SHROOM4: variants seen among roughly 807,000 people sequenced by gnomAD.
SHROOM4 encodes shroom family member 4.
A neutral mutation model predicts 80.3 loss-of-function variants in SHROOM4; 17 were observed. The ratio of observed to expected loss-of-function variants is 0.21; its 90% CI spans 0.14 to 0.32. The LOEUF (loss-of-function observed/expected upper bound fraction) is 0.32. Among genes scored for constraint, SHROOM4 ranks in the 10% least tolerant of loss-of-function variants. SHROOM4 has a pLI of 1.00. For synonymous variants in SHROOM4, 400 were observed against 437.5 expected (o/e 0.91, Z 1.07); for missense variants, 993 against 1,140.3 (o/e 0.87, Z 1.86).
intron 2 of SHROOM4, among the ~76,000 whole-genome samples, chrX:50,650,650 A>G (rs1405533455): frequency 6.3e-5 from 7 of 111,502 alleles, no homozygotes; most frequent in Non-Finnish European, 1.3e-4. Flanking sequence ...GAGCCACCGC[A>G]ACCAGCCATA....
intron 1 of SHROOM4, among the ~76,000 whole-genome samples, chrX:50,809,640 C>G (rs1557273259): frequency 1.8e-5 from 2 of 112,071 alleles, no homozygotes; most frequent in Non-Finnish European, 3.8e-5. Context: ...TCTTTCTCCT[C>G]CAGGTTACTC....
Position 50,738,172 on chromosome X carries a change from C to T in SHROOM4, c.118-42235G>A, listed in dbSNP as rs1464430193. 4.0e-4 allele frequency among the ~76,000 whole-genome samples: 44 copies of T among 110,866 alleles called. 1 individual carries two copies. Among genetic ancestry groups the T allele is most frequent in the Admixed American group, 3.0e-3 (31 of 10,352 alleles). On this transcript the variant is annotated intron_variant, in intron 1 of 8. Transcript: ENST00000376020. ...CTCAATAAATTAAATATTGATGGGA[C>T]GTATCTCAAAATAATAAGAGCTATT...
intron 5 of SHROOM4, among the ~76,000 whole-genome samples, chrX:50,620,014 G>C (rs1459471321): frequency 9.0e-6 from 1 of 111,542 alleles, no homozygotes; most frequent in Admixed American, 9.5e-5. Flanking sequence ...ATTCTAGCTA[G>C]CAGTGAGAGT....
chrX:50,812,117 T>A (rs1160330882), intron 1 of SHROOM4, among the ~76,000 whole-genome samples: 1 of 107,924 alleles, frequency 9.3e-6, no homozygotes, highest in Non-Finnish European at 1.9e-5. Context: ...AAATGACCTC[T>A]CCAAGGCAGG....
At chrX:50,604,868 A>G (rs1170360462) in intron 6 of SHROOM4, among the ~76,000 whole-genome samples, 2 of 112,133 alleles carry the variant, frequency 1.8e-5, no homozygotes, top group African/African-American at 3.2e-5. Context: ...AAAGCAAGCT[A>G]TACCTATACC....
chrX:50,733,636 TTC>T, intron 1 of SHROOM4, among the ~76,000 whole-genome samples: 1 of 112,012 alleles, frequency 8.9e-6, no homozygotes, highest in Non-Finnish European at 1.9e-5. Context: ...GTCTCTGCTA[TTC>T]TGTTATACTC....
chrX:50,698,526 C>T (rs1370236122), intron 1 of SHROOM4, among the ~76,000 whole-genome samples: 1 of 111,517 alleles, frequency 9.0e-6, no homozygotes, highest in Non-Finnish European at 1.9e-5. Flanking sequence ...TTGAAGATCC[C>T]TTCAACTATA....
chrX:50,776,939 C>T (rs1557270182), intron 1 of SHROOM4, among the ~76,000 whole-genome samples: 4 of 111,012 alleles, frequency 3.6e-5, no homozygotes, highest in African/African-American at 9.8e-5. Context: ...CCTCCTGCCT[C>T]GGCCTCCCAA....
rs1928879147 is a variant in SHROOM4, at chrX:50,591,659, A to C, written c.*5036T>G. Reference sequence around the variant, plus strand: ...CTTTTTTCTTTTTGATGCTATTGTAAATGGAACTGTTTTCTTTCTTTCTTT... The same window carrying C: ...CTTTTTTCTTTTTGATGCTATTGTACATGGAACTGTTTTCTTTCTTTCTTT... On this transcript the variant is annotated 3_prime_UTR_variant, in exon 9 of 9. Coordinates refer to ENST00000376020, the MANE Select transcript of SHROOM4 (RefSeq NM_020717.5). The C allele has an allele frequency of 3.3e-6, 1 of 300,781 alleles. No homozygotes were observed. Among genetic ancestry groups the C allele is most frequent in the Non-Finnish European group, 6.2e-6 (1 of 162,472 alleles). The allele number at this position is 300,781 out of a possible 1,213,427, so 24.8% of individuals were successfully genotyped here. A position where few individuals can be genotyped will look rare whatever the true frequency, so the allele number is the denominator to read the frequency against.
chrX:50,598,497 G>T lies in SHROOM4; in HGVS notation c.3981C>A (p.Val1327=), dbSNP rs1459368392. 1 of 1,205,198 alleles carries T rather than the reference G, an allele frequency of 8.3e-7. No homozygotes were observed. Among genetic ancestry groups the T allele is most frequent in the Non-Finnish European group, 1.1e-6 (1 of 892,662 alleles). The change falls in exon 8 of 9, where the codon GTC becomes GTA. Residue 1327 remains valine (V), a synonymous_variant. Transcript: ENST00000376020. ...LIESISRKLS[V]LREAQRGLLE... Reference sequence around the variant, plus strand: ...GCAGCCCTCGCTGGGCCTCCCGCAAGACAGAAAGTTTTCTGCTGATGCTTT... The same window carrying T: ...GCAGCCCTCGCTGGGCCTCCCGCAATACAGAAAGTTTTCTGCTGATGCTTT...
intron 2 of SHROOM4, among the ~76,000 whole-genome samples, chrX:50,653,877 A>G (rs1932209782): frequency 8.9e-6 from 1 of 111,901 alleles, no homozygotes; most frequent in African/African-American, 3.2e-5. Context: ...ATTGATTTGC[A>G]TTTGCTGAGT....
At position 50,591,120 on chromosome X, in the gene SHROOM4, G is replaced by A. The variant is rs1023175996; in HGVS notation, c.*5575C>T. On this transcript the variant is annotated 3_prime_UTR_variant, in exon 9 of 9. Transcript: ENST00000376020. ...TAAGGAAAACTTCATTTTTTCCCAT[G>A]TAGATACCCAGTTGTCTCAGCATCA... 4.5e-5 allele frequency among the ~76,000 whole-genome samples: 5 copies of A among 112,050 alleles called. No homozygotes were observed. The highest frequency in any genetic ancestry group is 1.6e-4 in the African/African-American group (5 of 30,869).
rs1016447028 is a variant in SHROOM4, at chrX:50,604,196, T to C, written c.3762-1383A>G. On this transcript the variant is annotated intron_variant, in intron 6 of 8. Coordinates refer to ENST00000376020, the MANE Select transcript of SHROOM4 (RefSeq NM_020717.5). ...TATGTAAGTTTCAAGCTTGTAACAC[T>C]GATAAAAGAACAATACTAGCTAACA... Among the ~76,000 whole-genome samples the C allele has an allele frequency of 5.9e-4, 66 of 112,152 alleles. 1 individual carries two copies. Among genetic ancestry groups the C allele is most frequent in the African/African-American group, 2.1e-3 (64 of 30,852 alleles).
intron 2 of SHROOM4, among the ~76,000 whole-genome samples, chrX:50,665,982 C>T (rs1415513292): frequency 9.0e-6 from 1 of 111,454 alleles, no homozygotes; most frequent in East Asian, 2.8e-4. Context: ...AACTGTTGGG[C>T]CAAGGACTGA....
chrX:50,637,160 G>A (rs1931394865), intron 3 of SHROOM4, among the ~76,000 whole-genome samples: 1 of 111,687 alleles, frequency 9.0e-6, no homozygotes, highest in African/African-American at 3.3e-5. Flanking sequence ...CAAACACAAA[G>A]CCAAACTGAA....
chrX:50,614,464 T>G (rs782681211), intron 5 of SHROOM4, among the ~76,000 whole-genome samples: 1 of 112,543 alleles, frequency 8.9e-6, no homozygotes, highest in Non-Finnish European at 1.9e-5. Context: ...GAAAAAGGTA[T>G]AGTTCACAGA....
rs1397232341 is a variant in SHROOM4, at chrX:50,605,376, T to C, written c.3761+2005A>G. Among the ~76,000 whole-genome samples the C allele has an allele frequency of 3.5e-5, 4 of 112,710 alleles. No homozygotes were observed. The East Asian group carries it at 1.1e-3, about 31-fold the overall frequency. ...CTATTTTGGGAATGATGCTGTTCCT[T>C]AAATCTCCATCACTCAAAGGAGCAT... On this transcript the variant is annotated intron_variant, in intron 6 of 8. Coordinates refer to ENST00000376020, the MANE Select transcript of SHROOM4 (RefSeq NM_020717.5).
chrX:50,576,721 T>C, the SHROOM4 span, among the ~76,000 whole-genome samples: 1 of 111,396 alleles, frequency 9.0e-6, no homozygotes, highest in Non-Finnish European at 1.9e-5. Flanking sequence ...TTTTGATTCA[T>C]CTGTAGTGTT....
chrX:50,673,732 G>A (rs1052411765), intron 2 of SHROOM4, among the ~76,000 whole-genome samples: 2 of 110,416 alleles, frequency 1.8e-5, no homozygotes, highest in East Asian at 5.6e-4. Context: ...AGGAAAGAGA[G>A]AATGGCTATA....
Sources: allele counts gnomAD v4.1 joint callset (sites outside exome capture counted in the v4.1 genomes callset), GRCh38; gene constraint gnomAD v4.1.1; transcripts MANE v1.5; gene names NCBI Gene and HGNC (gene_info 2026-07-23, HGNC 2026-07-21).